PRELID2: variants seen among roughly 807,000 people sequenced by gnomAD.
The protein encoded by PRELID2 is PRELI domain-containing protein 2.
PRELID2 carries 25 observed loss-of-function variants against 28.4 expected under a neutral mutation model. The observed-to-expected ratio is 0.88, with a 90% confidence interval of 0.64 to 1.23. PRELID2 has a LOEUF of 1.23. Among genes scored for constraint, PRELID2 ranks in the 50% most tolerant of loss-of-function variants. The pLI is 0.00. For missense variants in PRELID2, 201 were observed against 214.4 expected, an observed-to-expected ratio of 0.94 and a Z score of 0.39; for synonymous variants, 76 against 71.6, an observed-to-expected ratio of 1.06 and a Z score of -0.31.
At chr5:145,649,430 T>A (rs942823925) in intron 1 of PRELID2, among the ~76,000 whole-genome samples, 1 of 152,208 alleles carries the variant, frequency 6.6e-6, no homozygotes, top group Non-Finnish European at 1.5e-5. Context: ...TAATGTTAAG[T>A]GTTCTAAACA....
chr5:145,630,659 T>G (rs1753920241), intron 1 of PRELID2, among the ~76,000 whole-genome samples: 1 of 152,154 alleles, frequency 6.6e-6, no homozygotes, highest in African/African-American at 2.4e-5. Context: ...CTAAAAGATT[T>G]GGATGAGTGA....
At chr5:145,691,521 C>G (rs1039689545) in intron 1 of PRELID2, among the ~76,000 whole-genome samples, 2 of 152,028 alleles carry the variant, frequency 1.3e-5, no homozygotes, top group African/African-American at 4.8e-5. Flanking sequence ...CTGGGTAACA[C>G]AGTGAAACCC....
At chr5:145,790,630 A>G (rs184393207) in intron 5 of PRELID2, among the ~76,000 whole-genome samples, 5 of 151,012 alleles carry the variant, frequency 3.3e-5, no homozygotes, top group Admixed American at 2.0e-4. Flanking sequence ...ACTCCAAATG[A>G]TCTCACCACA....
the PRELID2 span, among the ~76,000 whole-genome samples, chr5:145,389,729 T>G: frequency 6.6e-6 from 1 of 152,166 alleles, no homozygotes; most frequent in Non-Finnish European, 1.5e-5. Context: ...TTATTGGAAA[T>G]GAAAGTTAGG....
chr5:145,663,818 G>C (rs1754538955), intron 1 of PRELID2, among the ~76,000 whole-genome samples: 1 of 152,074 alleles, frequency 6.6e-6, no homozygotes, highest in South Asian at 2.1e-4. Context: ...CCAATGCATA[G>C]TGTTATTCCG....
intron 1 of PRELID2, among the ~76,000 whole-genome samples, chr5:145,511,574 A>ATTCAT (rs919481078): frequency 6.6e-6 from 1 of 152,200 alleles, no homozygotes; most frequent in Non-Finnish European, 1.5e-5. Flanking sequence ...AGCTATGGCC[A>ATTCAT]TTCATTTCGT....
chr5:145,523,211 G>A (rs899399933), intron 1 of PRELID2, among the ~76,000 whole-genome samples: 2 of 152,150 alleles, frequency 1.3e-5, no homozygotes, highest in African/African-American at 4.8e-5. Context: ...TGATGTCAAA[G>A]GCACATGGGA....
intron 1 of PRELID2, among the ~76,000 whole-genome samples, chr5:145,695,637 G>T (rs1316864368): frequency 6.6e-6 from 1 of 152,118 alleles, no homozygotes; most frequent in African/African-American, 2.4e-5. Context: ...TGATCTGAAG[G>T]CTTCACGGGG....
Position 145,479,161 on chromosome 5 carries a change from G to T in PRELID2, n.71-5846C>A, listed in dbSNP as rs943677230. Among the ~76,000 whole-genome samples, 6 of 152,230 alleles carry T rather than the reference G, an allele frequency of 3.9e-5. No individual in the cohort carries two copies. The East Asian group carries it at 9.7e-4, about 25-fold the overall frequency. On this transcript the variant is annotated intron_variant and non_coding_transcript_variant, in intron 1 of 2. Transcript: ENST00000510259. ...TCCAATCAGACCCTGCCAAACCAAC[G>T]TTCCTAAATCCTTTCCCTTGCTCTC...
chr5:145,531,204 T>C (rs1474121185), intron 1 of PRELID2, among the ~76,000 whole-genome samples: 1 of 152,134 alleles, frequency 6.6e-6, no homozygotes, highest in Non-Finnish European at 1.5e-5. Context: ...TTGTCTGATC[T>C]TGTGTATATT....
chr5:145,399,124 A>T, the PRELID2 span, among the ~76,000 whole-genome samples: 2 of 152,086 alleles, frequency 1.3e-5, no homozygotes, highest in African/African-American at 4.8e-5. Flanking sequence ...TCTCCCATAT[A>T]TTCTTACTGG....
intron 1 of PRELID2, among the ~76,000 whole-genome samples, chr5:145,573,692 T>C (rs965618094): frequency 2.0e-5 from 3 of 152,236 alleles, no homozygotes; most frequent in African/African-American, 7.2e-5. Flanking sequence ...TTCCCTTTTA[T>C]GGCTGCATAG....
intron 1 of PRELID2, among the ~76,000 whole-genome samples, chr5:145,657,965 T>C (rs1754424681): frequency 6.6e-6 from 1 of 152,218 alleles, no homozygotes; most frequent in African/African-American, 2.4e-5. Flanking sequence ...TCCCATATTC[T>C]ACGAGTCATA....
intron 1 of PRELID2, among the ~76,000 whole-genome samples, chr5:145,722,544 G>A (rs1349475751): frequency 1.3e-5 from 2 of 151,940 alleles, no homozygotes; most frequent in African/African-American, 4.8e-5. Context: ...TGTCACCCAG[G>A]CTGGAATGCA....
chr5:145,726,407 G>T (rs1427326433), intron 1 of PRELID2, among the ~76,000 whole-genome samples: 1 of 152,168 alleles, frequency 6.6e-6, no homozygotes, highest in Non-Finnish European at 1.5e-5. Context: ...GGAGGTCAGG[G>T]ATCTATAGTC....
Position 145,780,895 on chromosome 5 carries a change from G to A in PRELID2, c.474+15547C>T, listed in dbSNP as rs150353526. ...CATTTTCCTTTGGAAATTCAGAGAT[G>A]GTGAGCTGGAATCTAAGGAAAGAAG... On this transcript the variant is annotated intron_variant, in intron 5 of 6. Coordinates refer to ENST00000683046, the MANE Select transcript of PRELID2 (RefSeq NM_205846.3). 2.4e-3 allele frequency among the ~76,000 whole-genome samples: 365 copies of A among 152,238 alleles called. 3 individuals are homozygous for A. The highest frequency in any genetic ancestry group is 8.6e-3 in the African/African-American group (356 of 41,536).
chr5:145,804,084 AATT>A (rs1469226155), intron 4 of PRELID2, among the ~76,000 whole-genome samples: 4 of 152,188 alleles, frequency 2.6e-5, no homozygotes, highest in Admixed American at 2.6e-4. Context: ...TTGTTACCTA[AATT>A]ATTAACAATG....
intron 1 of PRELID2, among the ~76,000 whole-genome samples, chr5:145,612,671 T>G (rs745889393): frequency 6.6e-6 from 1 of 152,286 alleles, no homozygotes; most frequent in Non-Finnish European, 1.5e-5. Context: ...CTTTGTATCC[T>G]CATAGCTTAG....
At chr5:145,448,743 T>C in the PRELID2 span, among the ~76,000 whole-genome samples, 1 of 152,176 alleles carries the variant, frequency 6.6e-6, no homozygotes, top group African/African-American at 2.4e-5. Flanking sequence ...TTATCTCATC[T>C]GTAATTGGGA....
Sources: allele counts gnomAD v4.1 joint callset (sites outside exome capture counted in the v4.1 genomes callset), GRCh38; gene constraint gnomAD v4.1.1; transcripts MANE v1.5; gene names NCBI Gene and HGNC (gene_info 2026-07-23, HGNC 2026-07-21).